Variants in TPD52 observed in about 807,000 individuals in gnomAD.
TPD52 encodes tumor protein D52, also known as prostate and colon associated protein.
A neutral mutation model predicts 31.3 loss-of-function variants in TPD52; 17 were observed. The ratio of observed to expected loss-of-function variants is 0.54; its 90% CI spans 0.37 to 0.82. TPD52 has a LOEUF of 0.82. Among genes scored for constraint, TPD52 ranks in the 40% least tolerant of loss-of-function variants. TPD52 has a pLI of 0.00. For synonymous variants in TPD52, 83 were observed against 89.6 expected (o/e 0.93, Z 0.42); for missense variants, 212 against 240.1 (o/e 0.88, Z 0.77).
intron 1 of TPD52, among the ~76,000 whole-genome samples, chr8:80,070,718 T>C (rs1455009031): frequency 2.6e-5 from 4 of 152,166 alleles, no homozygotes; most frequent in East Asian, 1.9e-4. Context: ...TGCTTCATTA[T>C]ATAAAGATGA....
chr8:80,154,866 AATACATAAATC>A (rs1233499241), intron 1 of TPD52, among the ~76,000 whole-genome samples: 1 of 152,162 alleles, frequency 6.6e-6, no homozygotes, highest in East Asian at 1.9e-4. Context: ...AATGTTATAT[AATACATAAATC>A]ATACATAAAT....
intron 1 of TPD52, among the ~76,000 whole-genome samples, chr8:80,164,424 A>G (rs1333267515): frequency 6.6e-6 from 1 of 152,238 alleles, no homozygotes; most frequent in African/African-American, 2.4e-5. Flanking sequence ...TGGGTGGCCA[A>G]TTGGAGGTGG....
chr8:80,051,054 CAT>C (rs1457425820), intron 4 of TPD52, among the ~76,000 whole-genome samples: 1 of 148,310 alleles, frequency 6.7e-6, no homozygotes. Flanking sequence ...TAAGCATGAA[CAT>C]AGTTACAGCT....
At chr8:80,081,152 CTCTCTT>C (rs1267288594) in intron 1 of TPD52, among the ~76,000 whole-genome samples, 3 of 142,784 alleles carry the variant, frequency 2.1e-5, no homozygotes, top group South Asian at 4.3e-4. Flanking sequence ...TTTCTTTTCT[CTCTCTT>C]TTTTTTTTTT....
At chr8:80,083,283 TAA>T (rs1375431541) in intron 1 of TPD52, among the ~76,000 whole-genome samples, 5 of 151,978 alleles carry the variant, frequency 3.3e-5, no homozygotes, top group Admixed American at 3.3e-4. Context: ...ACTGCAGGCA[TAA>T]AGAGGCTAAA....
chr8:80,065,205 T>C (rs1200128002), intron 1 of TPD52, among the ~76,000 whole-genome samples: 2 of 151,914 alleles, frequency 1.3e-5, no homozygotes, highest in East Asian at 1.9e-4. Context: ...CAAGCTGGTC[T>C]TGAACTCCTG....
intron 1 of TPD52, among the ~76,000 whole-genome samples, chr8:80,149,712 G>T (rs1266946915): frequency 6.6e-6 from 1 of 152,244 alleles, no homozygotes; most frequent in East Asian, 1.9e-4. Context: ...CTGGAGCAAA[G>T]GTGACTCTTG....
chr8:80,092,486 G>A (rs906592002), intron 1 of TPD52, among the ~76,000 whole-genome samples: 1 of 152,174 alleles, frequency 6.6e-6, no homozygotes, highest in African/African-American at 2.4e-5. Context: ...CGCGTTTATT[G>A]AAGCACTATT....
At chr8:80,070,707 A>G (rs945163106) in intron 1 of TPD52, among the ~76,000 whole-genome samples, 11 of 152,192 alleles carry the variant, frequency 7.2e-5, no homozygotes, top group African/African-American at 2.7e-4. Flanking sequence ...TTTAAGTCAA[A>G]TGCTTCATTA....
chr8:80,147,855 C>CA (rs1563661187), intron 1 of TPD52, among the ~76,000 whole-genome samples: 9 of 149,128 alleles, frequency 6.0e-5, no homozygotes, highest in African/African-American at 2.3e-4. Context: ...CACACACACA[C>CA]CCCCCACACC....
At chr8:80,067,829 A>G (rs1813328661) in intron 1 of TPD52, among the ~76,000 whole-genome samples, 1 of 151,672 alleles carries the variant, frequency 6.6e-6, no homozygotes, top group Non-Finnish European at 1.5e-5. Context: ...TTCCAACTAA[A>G]GTTTCCCCAA....
chr8:80,167,276 C>T (rs1163495861), intron 1 of TPD52, among the ~76,000 whole-genome samples: 2 of 152,132 alleles, frequency 1.3e-5, no homozygotes, highest in Non-Finnish European at 2.9e-5. Context: ...ATAATTAACC[C>T]CAAAAGGAAA....
At chr8:80,055,280 T>C (rs1384756674) in intron 2 of TPD52, among the ~76,000 whole-genome samples, 1 of 152,238 alleles carries the variant, frequency 6.6e-6, no homozygotes, top group Non-Finnish European at 1.5e-5. Context: ...GTTGGTTAGC[T>C]TGTGCTGCTA....
downstream of TPD52, chr8:80,033,354 G>A (rs1463552930): frequency 2.0e-5 from 3 of 151,912 alleles, no homozygotes; most frequent in Admixed American, 6.6e-5. Flanking sequence ...GTTTCAGCCC[G>A]TTTGTGTTAC....
intron 1 of TPD52, among the ~76,000 whole-genome samples, chr8:80,116,529 C>T (rs1807874964): frequency 6.6e-6 from 1 of 152,176 alleles, no homozygotes; most frequent in Admixed American, 6.5e-5. Context: ...CAAAGGCCTA[C>T]TCCCAGATGG....
intron 1 of TPD52, among the ~76,000 whole-genome samples, chr8:80,083,567 G>A (rs1488011237): frequency 6.6e-6 from 1 of 150,878 alleles, no homozygotes; most frequent in Admixed American, 6.6e-5. Flanking sequence ...TTCTCCCTTC[G>A]CTGGGCACTC....
chr8:80,115,198 G>A (rs973229565), intron 1 of TPD52, among the ~76,000 whole-genome samples: 11 of 152,178 alleles, frequency 7.2e-5, no homozygotes, highest in South Asian at 4.1e-4. Flanking sequence ...AGCCCAGGCC[G>A]ACTGGAGAGT....
chr8:80,052,655 G>T (rs1052002658), intron 3 of TPD52: 12 of 1,288,968 alleles, frequency 9.3e-6, no homozygotes, highest in Non-Finnish European at 1.2e-5. Context: ...TTCGGTTTCT[G>T]CTGCTAGAAG....
chr8:80,100,146 G>A (rs548284326), intron 1 of TPD52, among the ~76,000 whole-genome samples: 39 of 152,270 alleles, frequency 2.6e-4, no homozygotes, highest in African/African-American at 9.1e-4. Flanking sequence ...TAATCCTCTG[G>A]GGAAATCTCG....
Sources: allele counts gnomAD v4.1 joint callset (sites outside exome capture counted in the v4.1 genomes callset), GRCh38; gene constraint gnomAD v4.1.1; transcripts MANE v1.5; gene names NCBI Gene and HGNC (gene_info 2026-07-23, HGNC 2026-07-21).